HECW2: variants seen among roughly 807,000 people sequenced by gnomAD.
HECW2 encodes HECT, C2 and WW domain containing E3 ubiquitin protein ligase 2, also known as E3 ubiquitin-protein ligase HECW2.
HECW2 carries 61 observed loss-of-function variants against 175.2 expected under a neutral mutation model. The ratio of observed to expected loss-of-function variants is 0.35; its 90% CI spans 0.28 to 0.43. The LOEUF is 0.43. HECW2 is among the 20% of genes least tolerant of loss of function. HECW2 has a pLI of 1.00. For synonymous variants in HECW2, 671 were observed against 731.0 expected, an observed-to-expected ratio of 0.92 and a Z score of 1.32; for missense variants, 1,524 against 2,000.5, an observed-to-expected ratio of 0.76 and a Z score of 4.54.
At chr2:196,273,049 ATTTTTTTTTTTTTTT>A (rs778348590) in intron 16 of HECW2, among the ~76,000 whole-genome samples, 6 of 113,140 alleles carry the variant, frequency 5.3e-5, no homozygotes, top group African/African-American at 2.3e-4. Context: ...AGCTGGTCTA[ATTTTTTTTTTTTTTT>A]TTTTTTTTTT....
chr2:196,520,774 A>G (rs1471843405), intron 1 of HECW2, among the ~76,000 whole-genome samples: 1 of 152,232 alleles, frequency 6.6e-6, no homozygotes, highest in East Asian at 1.9e-4. Context: ...ACAGTTAAGC[A>G]GCATAGCTAA....
At chr2:196,457,819 C>T (rs1030584267) in intron 1 of HECW2, among the ~76,000 whole-genome samples, 1 of 151,792 alleles carries the variant, frequency 6.6e-6, no homozygotes, top group Non-Finnish European at 1.5e-5. Context: ...CGCTACTACA[C>T]AAAACCTGAA....
intron 2 of HECW2, among the ~76,000 whole-genome samples, chr2:196,364,437 C>T (rs774728061): frequency 6.6e-6 from 1 of 152,150 alleles, no homozygotes; most frequent in Non-Finnish European, 1.5e-5. Context: ...TTTTTAAGCA[C>T]AAGTAATTCA....
At chr2:196,534,889 T>A (rs1038115647) in intron 1 of HECW2, among the ~76,000 whole-genome samples, 3 of 152,148 alleles carry the variant, frequency 2.0e-5, no homozygotes, top group Admixed American at 1.3e-4. Flanking sequence ...CAAATCCTAT[T>A]TCAATTGCCA....
At chr2:196,309,974 A>G (rs1051650202) in intron 10 of HECW2, among the ~76,000 whole-genome samples, 1 of 152,256 alleles carries the variant, frequency 6.6e-6, no homozygotes, top group Non-Finnish European at 1.5e-5. Context: ...TGGAACTAAC[A>G]AAGTAGGAAT....
At position 196,380,839 on chromosome 2, in the gene HECW2, A is replaced by C. The variant is rs1295852881; in HGVS notation, c.293-37075T>G. On this transcript the variant is annotated intron_variant, in intron 2 of 28. Coordinates refer to ENST00000644978, the MANE Select transcript of HECW2 (RefSeq NM_001348768.2). ...AAAAGGCAAGTCATAATAAAATGTT[A>C]CACAGCCAAAGCCTACTGTGCTGAG... Among the ~76,000 whole-genome samples, 3 of 152,244 alleles carry C rather than the reference A, an allele frequency of 2.0e-5. No homozygotes were observed. The East Asian group carries it at 5.8e-4, about 29-fold the overall frequency.
At chr2:196,351,409 C>T (rs1327076231) in intron 2 of HECW2, among the ~76,000 whole-genome samples, 1 of 151,946 alleles carries the variant, frequency 6.6e-6, no homozygotes. Flanking sequence ...ACATATCAGA[C>T]ATATCCAAAC....
chr2:196,211,408 C>A (rs1488105239), intron 28 of HECW2, among the ~76,000 whole-genome samples: 1 of 152,160 alleles, frequency 6.6e-6, no homozygotes, highest in Admixed American at 6.5e-5. Context: ...TAACCACCGA[C>A]CGCGAAGCAG....
chr2:196,277,411 T>G (rs1362173363), intron 15 of HECW2, among the ~76,000 whole-genome samples: 1 of 152,152 alleles, frequency 6.6e-6, no homozygotes, highest in Non-Finnish European at 1.5e-5. Flanking sequence ...TATAGAAAAC[T>G]TCACTTAAGA....
chr2:196,269,671 G>T (rs1468362104), intron 17 of HECW2, among the ~76,000 whole-genome samples: 1 of 152,104 alleles, frequency 6.6e-6, no homozygotes, highest in Non-Finnish European at 1.5e-5. Flanking sequence ...AGTTGGATAA[G>T]ATCCCTATTT....
chr2:196,243,486 T>C (rs1256207371), intron 19 of HECW2, among the ~76,000 whole-genome samples: 4 of 152,142 alleles, frequency 2.6e-5, no homozygotes, highest in African/African-American at 9.7e-5. Context: ...ATTCTTAACA[T>C]GTGCCAAGTA....
intron 2 of HECW2, 43 bp downstream of exon 2, chr2:196,433,089 T>C: frequency 6.5e-7 from 1 of 1,533,812 alleles, no homozygotes; most frequent in Non-Finnish European, 8.8e-7. Flanking sequence ...ACTAAAAACT[T>C]GTATGCTCTG....
intron 1 of HECW2, among the ~76,000 whole-genome samples, chr2:196,555,327 T>C (rs983684893): frequency 2.0e-5 from 3 of 152,098 alleles, no homozygotes; most frequent in East Asian, 1.9e-4. Context: ...TGGGTCCTTA[T>C]GTGGTGGAAG....
chr2:196,525,022 TG>T (rs1688579107), intron 1 of HECW2, among the ~76,000 whole-genome samples: 1 of 139,562 alleles, frequency 7.2e-6, no homozygotes, highest in South Asian at 2.3e-4. Context: ...GTTCAATTCC[TG>T]GGTATCCTTG....
intron 26 of HECW2, 149 bp from the exon 27 acceptor site, chr2:196,217,242 T>C (rs1038347894): frequency 2.0e-5 from 10 of 494,684 alleles, no homozygotes; most frequent in South Asian, 1.0e-4. Context: ...AATAACACTG[T>C]ATATATGATC....
At chr2:196,345,311 T>C (rs1452766401) in intron 2 of HECW2, among the ~76,000 whole-genome samples, 3 of 152,198 alleles carry the variant, frequency 2.0e-5, no homozygotes, top group African/African-American at 7.2e-5. Flanking sequence ...CCACTGAGCT[T>C]CTACCTTGCC....
intron 2 of HECW2, among the ~76,000 whole-genome samples, chr2:196,388,140 A>AT (rs199884148): frequency 1.1e-4 from 16 of 151,124 alleles, no homozygotes; most frequent in East Asian, 7.8e-4. Context: ...AAAAAAAAAA[A>AT]ATTTTTAATT....
chr2:196,397,044 G>A (rs1575498889), intron 2 of HECW2, among the ~76,000 whole-genome samples: 1 of 152,110 alleles, frequency 6.6e-6, no homozygotes, highest in East Asian at 1.9e-4. Flanking sequence ...CCCGGGAGGC[G>A]GAGCTTGCAG....
intron 2 of HECW2, among the ~76,000 whole-genome samples, chr2:196,410,640 A>G (rs553870567): frequency 2.0e-5 from 3 of 152,324 alleles, no homozygotes; most frequent in Non-Finnish European, 4.4e-5. Flanking sequence ...GCTTTCCCCA[A>G]ATCAACAAGA....
Sources: gnomAD v4.1 joint callset for allele counts (sites outside exome capture counted in the v4.1 genomes callset) on GRCh38, gnomAD v4.1.1 for gene constraint, MANE v1.5 for transcripts, NCBI Gene and HGNC (gene_info 2026-07-23, HGNC 2026-07-21) for gene names.